Variants in RNF17 observed in about 807,000 individuals in gnomAD.
RNF17 encodes the protein ring finger protein 17.
RNF17 carries 31 observed loss-of-function variants against 200.5 expected under a neutral mutation model. That is an observed-to-expected ratio of 0.15 (90% CI 0.12 to 0.21). The LOEUF is 0.21. Among genes scored for constraint, RNF17 ranks in the 10% least tolerant of loss-of-function variants. RNF17 has a pLI of 1.00. For missense variants in RNF17, 1,628 were observed against 1,905.1 expected, an observed-to-expected ratio of 0.85 and a Z score of 2.71; for synonymous variants, 606 against 637.8, an observed-to-expected ratio of 0.95 and a Z score of 0.75.
rs1890698871 is a variant in RNF17, at chr13:24,842,078, C to T, written c.2520C>T (p.Phe840=). The change falls in exon 19 of 36, where the codon TTC becomes TTT. Residue 840 remains phenylalanine (F), a synonymous_variant. Coordinates refer to ENST00000255324, the MANE Select transcript of RNF17 (RefSeq NM_031277.3). ...LEDNVLLVEL[F]DSLGAPEMTT... ...ATAATGTGCTCTTAGTTGAGCTTTT[C>T]GATTCTCTTGGTGCTCCTGAAATGA... 3 of 1,611,384 alleles carry T rather than the reference C, an allele frequency of 1.9e-6. No individual in the cohort carries two copies. The highest frequency in any genetic ancestry group is 1.3e-5 in the African/African-American group (1 of 74,878).
chr13:24,750,090 C>A, the RNF17 span, among the ~76,000 whole-genome samples: 1 of 152,190 alleles, frequency 6.6e-6, no homozygotes, highest in East Asian at 1.9e-4. Flanking sequence ...GCCTTAAGCT[C>A]ATTTTCATTG....
At chr13:24,887,568 A>G in the RNF17 span, among the ~76,000 whole-genome samples, 125 of 151,822 alleles carry the variant, frequency 8.2e-4, no homozygotes, top group African/African-American at 2.9e-3. Flanking sequence ...GTCTCCCATC[A>G]CCCCCAGATG....
rs1893243521 is a variant in RNF17, at chr13:24,862,918, C to G, written c.3975+125C>G. 6.0e-6 allele frequency: 3 copies of G among 499,134 alleles called. No individual in the cohort carries two copies. In the Admixed American group the frequency reaches 9.5e-5, roughly 16 times the overall value. 30.9% of individuals were successfully genotyped at this position (499,134 alleles called of 1,614,324 possible). ...CCTTCTTATGTGAATTGCTTGTTAGCATAAAAGAAACTACCAGTTTGGTTC... is the reference window on the plus strand; with the variant it reads ...CCTTCTTATGTGAATTGCTTGTTAGGATAAAAGAAACTACCAGTTTGGTTC... On this transcript the variant is annotated intron_variant, in intron 28 of 35. Coordinates refer to ENST00000255324, the MANE Select transcript of RNF17 (RefSeq NM_031277.3).
intron 18 of RNF17, among the ~76,000 whole-genome samples, chr13:24,833,722 A>G (rs2138047613): frequency 6.6e-6 from 1 of 152,290 alleles, no homozygotes; most frequent in East Asian, 1.9e-4. Context: ...GCCTTGCCCA[A>G]CCAAAACTGT....
rs758948521 is a variant in RNF17 at position 24,788,153 on chromosome 13, G to C, written c.777G>C (p.Leu259=). 6.3e-7 allele frequency: 1 copy of C among 1,578,644 alleles called. No individual in the cohort carries two copies. The highest frequency in any genetic ancestry group is 2.0e-5 in the Admixed American group (1 of 49,608). ...CTTCTCTAAGAACATACTGTGACCT[G>C]AATCAGGTAATTTAATAGTTCACAA... The part of the protein sequence containing the change: ...LSPSLRTYCD[L]NQIIRTLQLT... Residue 259 remains leucine, a synonymous_variant, in exon 7 of 36, where the codon CTG becomes CTC. Transcript: ENST00000255324.
At chr13:24,805,146 C>T (rs1885693803) in intron 15 of RNF17, among the ~76,000 whole-genome samples, 1 of 152,134 alleles carries the variant, frequency 6.6e-6, no homozygotes, top group African/African-American at 2.4e-5. Flanking sequence ...GTGGAAGCTC[C>T]TTATCTAAGT....
intron 15 of RNF17, 66 bp downstream of exon 15, chr13:24,804,495 G>A (rs1019866522): frequency 1.6e-6 from 2 of 1,228,744 alleles, no homozygotes; most frequent in Non-Finnish European, 2.3e-6. Flanking sequence ...TGTATAACAA[G>A]AATGAGTATC....
At chr13:24,834,139 C>G (rs751239823) in intron 18 of RNF17, among the ~76,000 whole-genome samples, 2 of 151,848 alleles carry the variant, frequency 1.3e-5, no homozygotes, top group Admixed American at 6.6e-5. Context: ...GGTGTGGTGG[C>G]TGATGCCTGT....
chr13:24,759,096 A>AC, the RNF17 span, among the ~76,000 whole-genome samples: 7 of 151,666 alleles, frequency 4.6e-5, no homozygotes, highest in South Asian at 2.1e-4. Flanking sequence ...AAAAAAAAAA[A>AC]AAAAAAACAA....
At chr13:24,833,224 A>T (rs1373960320) in intron 18 of RNF17, among the ~76,000 whole-genome samples, 1 of 152,146 alleles carries the variant, frequency 6.6e-6, no homozygotes, top group East Asian at 1.9e-4. Flanking sequence ...TCGTAAGACT[A>T]TTGGACTATT....
chr13:24,871,545 C>T (rs1894249574), intron 32 of RNF17, among the ~76,000 whole-genome samples: 1 of 151,956 alleles, frequency 6.6e-6, no homozygotes, highest in East Asian at 1.9e-4. Flanking sequence ...CCCATGTTAG[C>T]CAGGCTGGTG....
At position 24,862,788 on chromosome 13, in the gene RNF17, A is replaced by G. The variant is rs753873759; in HGVS notation, c.3970A>G (p.Ile1324Val). Residue 1324 changes from isoleucine (I) to valine (V), a missense_variant, in exon 28 of 36, where the codon ATT (isoleucine) becomes GTT (valine). This residue lies in a region of RNF17 where 609 missense variants were observed against 681.9 expected (regional missense o/e 0.89). Transcript: ENST00000255324. The part of the protein sequence containing the change: ...LLSKRQVDIH[I>V]MELPKNPWEK... ...TTCAAAGAGACAGGTGGACATTCAC[A>G]TTATGGTAATTTAAAGTATATATAG... is the stretch of plus-strand genomic sequence containing the variant. 4 of 1,556,760 alleles carry G rather than the reference A, an allele frequency of 2.6e-6. No homozygotes were observed. The highest frequency in any genetic ancestry group is 3.5e-6 in the Non-Finnish European group (4 of 1,128,294).
chr13:24,749,303 C>CTTTATTT, the RNF17 span, among the ~76,000 whole-genome samples: 1 of 31,968 alleles, frequency 3.1e-5, no homozygotes, highest in East Asian at 1.4e-3. Context: ...TTCTTTCTTT[C>CTTTATTT]TTTCTTTTTT....
chr13:24,800,548 T>C lies in RNF17; in HGVS notation c.1758+14T>C, dbSNP rs1400629520. 1.2e-6 allele frequency: 2 copies of C among 1,607,108 alleles called. No individual in the cohort carries two copies. Among genetic ancestry groups the C allele is most frequent in the Non-Finnish European group, 1.7e-6 (2 of 1,175,664 alleles). ...CCACAGAATTCAGTAAGTGAGACTT[T>C]AATTATTTTTTCCTTCAGAGGTTAT... On this transcript the variant is annotated intron_variant, in intron 13 of 35. Coordinates refer to ENST00000255324, the MANE Select transcript of RNF17 (RefSeq NM_031277.3).
chr13:24,861,231 TA>T (rs2138316485), intron 26 of RNF17, 36 bp from the exon 27 acceptor site: 1 of 1,514,612 alleles, frequency 6.6e-7, no homozygotes, highest in Non-Finnish European at 9.0e-7. Context: ...CTTTTAATAA[TA>T]AATTTTAACT....
intron 15 of RNF17, among the ~76,000 whole-genome samples, chr13:24,825,376 T>C (rs1208437446): frequency 6.6e-6 from 1 of 152,178 alleles, no homozygotes; most frequent in East Asian, 1.9e-4. Context: ...TGGAAAAATA[T>C]CTTGAAGAAT....
intron 18 of RNF17, among the ~76,000 whole-genome samples, chr13:24,838,495 T>A (rs1328719177): frequency 6.6e-6 from 1 of 152,170 alleles, no homozygotes; most frequent in Non-Finnish European, 1.5e-5. Flanking sequence ...TCAAGTGAGT[T>A]TCATACCAGG....
intron 1 of RNF17, among the ~76,000 whole-genome samples, chr13:24,764,885 T>TGGGGTGTG (rs1555262369): frequency 2.0e-5 from 2 of 99,668 alleles, no homozygotes; most frequent in East Asian, 3.5e-4. Flanking sequence ...GTGCACCTTG[T>TGGGGTGTG]GGGGTGTGTG....
the RNF17 span, chr13:24,885,747 A>C: frequency 9.8e-7 from 1 of 1,016,944 alleles, no homozygotes; most frequent in South Asian, 1.3e-5. Flanking sequence ...ACATTTCCTT[A>C]GTTCATATCC....
Sources: allele counts gnomAD v4.1 joint callset (sites outside exome capture counted in the v4.1 genomes callset), GRCh38; gene constraint gnomAD v4.1.1; regional missense constraint gnomAD v4.1.1; transcripts MANE v1.5; gene names NCBI Gene and HGNC (gene_info 2026-07-23, HGNC 2026-07-21).